Variants in SRGAP1 observed in about 807,000 individuals in gnomAD.
SRGAP1 encodes the protein SLIT-ROBO Rho GTPase activating protein 1, also known as SLIT-ROBO Rho GTPase-activating protein 1.
Under a neutral mutation model 121.9 loss-of-function variants are expected in SRGAP1, and 43 were observed. The ratio of observed to expected loss-of-function variants is 0.35; its 90% confidence interval spans 0.28 to 0.46. The LOEUF is 0.46. Among genes scored for constraint, SRGAP1 ranks in the 20% least tolerant of loss-of-function variants. SRGAP1 has a pLI of 1.00. For missense variants in SRGAP1, 1,102 were observed against 1,350.9 expected, an observed-to-expected ratio of 0.82 and a Z score of 2.89; for synonymous variants, 447 against 485.4, an observed-to-expected ratio of 0.92 and a Z score of 1.04.
At chr12:64,080,523 G>T (rs1396420335) in intron 10 of SRGAP1, 153 bp downstream of exon 10, 1 of 738,668 alleles carries the variant, frequency 1.4e-6, no homozygotes, top group Non-Finnish European at 2.4e-6. Flanking sequence ...TCATGATTAA[G>T]TTCTCCTGGC....
At chr12:64,051,961 T>C (rs1454788702) in intron 6 of SRGAP1, among the ~76,000 whole-genome samples, 1 of 152,198 alleles carries the variant, frequency 6.6e-6, no homozygotes, top group African/African-American at 2.4e-5. Context: ...TCACTGAACA[T>C]GACTCCTTCA....
intron 3 of SRGAP1, among the ~76,000 whole-genome samples, chr12:63,994,378 G>A (rs887612275): frequency 2.6e-5 from 4 of 152,110 alleles, no homozygotes; most frequent in African/African-American, 9.7e-5. Flanking sequence ...TTATTATGAA[G>A]TTCCAAACAA....
intron 1 of SRGAP1, among the ~76,000 whole-genome samples, chr12:63,929,236 CTACCATTCAT>C (rs756162859): frequency 6.6e-6 from 1 of 152,206 alleles, no homozygotes; most frequent in Non-Finnish European, 1.5e-5. Flanking sequence ...AATCCTGGTT[CTACCATTCAT>C]TGTCACCAGG....
chr12:64,042,230 G>GT (rs1361152564), intron 4 of SRGAP1, among the ~76,000 whole-genome samples: 3 of 151,748 alleles, frequency 2.0e-5, no homozygotes, highest in South Asian at 2.1e-4. Context: ...TTGTTTGTTT[G>GT]TTTTTTTAAG....
chr12:63,884,576 G>A (rs1900307630), intron 1 of SRGAP1, among the ~76,000 whole-genome samples: 1 of 152,026 alleles, frequency 6.6e-6, no homozygotes, highest in African/African-American at 2.4e-5. Context: ...TTGGTAGTAT[G>A]CATGCAGTAT....
At chr12:64,040,630 A>T (rs893607456) in intron 4 of SRGAP1, among the ~76,000 whole-genome samples, 2 of 152,242 alleles carry the variant, frequency 1.3e-5, no homozygotes, top group Admixed American at 6.5e-5. Context: ...TGGAAAAATT[A>T]TGATTTTCAG....
At chr12:64,022,478 A>G (rs1337485249) in intron 4 of SRGAP1, among the ~76,000 whole-genome samples, 8 of 152,154 alleles carry the variant, frequency 5.3e-5, no homozygotes, top group Admixed American at 4.6e-4. Flanking sequence ...GGAGAGGGCA[A>G]TCTGTTTTAC....
chr12:63,905,669 T>C (rs2030169195), intron 1 of SRGAP1, among the ~76,000 whole-genome samples: 1 of 152,092 alleles, frequency 6.6e-6, no homozygotes, highest in African/African-American at 2.4e-5. Flanking sequence ...TGAACAGAAG[T>C]AAGAAATAGA....
intron 3 of SRGAP1, among the ~76,000 whole-genome samples, chr12:64,009,019 T>C (rs1189279017): frequency 2.0e-5 from 3 of 152,136 alleles, no homozygotes; most frequent in African/African-American, 4.8e-5. Flanking sequence ...CTCACAATTA[T>C]GGCTGTCACA....
intron 3 of SRGAP1, among the ~76,000 whole-genome samples, chr12:63,994,516 C>T (rs574202058): frequency 6.6e-6 from 1 of 152,264 alleles, no homozygotes; most frequent in East Asian, 1.9e-4. Context: ...CACAAGCTGG[C>T]CGAGACTCCA....
At chr12:64,107,977 C>T (rs1009854625) in intron 15 of SRGAP1, among the ~76,000 whole-genome samples, 1 of 152,156 alleles carries the variant, frequency 6.6e-6, no homozygotes, top group Non-Finnish European at 1.5e-5. Context: ...ACATAGGTTG[C>T]AGTCCCAGGT....
intron 11 of SRGAP1, 38 bp from the exon 12 acceptor site, chr12:64,091,238 T>C (rs2136583533): frequency 1.4e-6 from 2 of 1,430,958 alleles, no homozygotes; most frequent in Non-Finnish European, 1.9e-6. Context: ...TATTGTTTGA[T>C]TTCTGCCATG....
At chr12:63,846,543 G>A (rs1035204363) in intron 1 of SRGAP1, among the ~76,000 whole-genome samples, 2 of 152,198 alleles carry the variant, frequency 1.3e-5, no homozygotes, top group African/African-American at 4.8e-5. Flanking sequence ...AGCGAAATGG[G>A]ATGTGTTGCA....
intron 1 of SRGAP1, among the ~76,000 whole-genome samples, chr12:63,941,797 A>T (rs2031878883): frequency 6.6e-6 from 1 of 152,174 alleles, no homozygotes; most frequent in Non-Finnish European, 1.5e-5. Flanking sequence ...TCTCTGGTAC[A>T]ATGATGCCAA....
chr12:63,985,465 A>G (rs1167557840), intron 2 of SRGAP1, among the ~76,000 whole-genome samples: 3 of 152,156 alleles, frequency 2.0e-5, no homozygotes, highest in Non-Finnish European at 4.4e-5. Flanking sequence ...CTGCAGGTAG[A>G]GAGAAGTTGA....
At chr12:63,868,074 T>G (rs1565927701) in intron 1 of SRGAP1, among the ~76,000 whole-genome samples, 529 of 95,380 alleles carry the variant, frequency 5.5e-3, no homozygotes, top group African/African-American at 9.0e-3. Context: ...TTTTTTTTTT[T>G]TTTTGTTTTT....
chr12:63,873,257 G>T (rs186340089), intron 1 of SRGAP1, among the ~76,000 whole-genome samples: 1 of 151,938 alleles, frequency 6.6e-6, no homozygotes, highest in Non-Finnish European at 1.5e-5. Context: ...TTGGCCGGGC[G>T]CGGTAGCTCA....
chr12:63,879,654 G>C (rs904343629), intron 1 of SRGAP1, among the ~76,000 whole-genome samples: 1 of 152,058 alleles, frequency 6.6e-6, no homozygotes, highest in Non-Finnish European at 1.5e-5. Flanking sequence ...CACTAAGTTG[G>C]GGGGAAGCAA....
At chr12:64,095,298 A>G in intron 14 of SRGAP1, 94 bp downstream of exon 14, 2 of 1,109,710 alleles carry the variant, frequency 1.8e-6, no homozygotes, top group East Asian at 2.4e-5. Flanking sequence ...TATCCTCAAA[A>G]CCTTTCTTTG....
Sources: gnomAD v4.1 joint callset for allele counts (sites outside exome capture counted in the v4.1 genomes callset) on GRCh38, gnomAD v4.1.1 for gene constraint, MANE v1.5 for transcripts, NCBI Gene and HGNC (gene_info 2026-07-23, HGNC 2026-07-21) for gene names.